RCAN1: variants seen among roughly 807,000 people sequenced by gnomAD.
RCAN1 encodes regulator of calcineurin 1, also known as calcipressin-1.
Under a neutral mutation model 22.9 loss-of-function variants are expected in RCAN1, and 11 were observed. The ratio of observed to expected loss-of-function variants is 0.48; its 90% CI spans 0.30 to 0.79. The LOEUF (loss-of-function observed/expected upper bound fraction) is 0.79. Ranked by LOEUF, RCAN1 falls within the 30% of genes least tolerant of loss-of-function variation. The probability of loss-of-function intolerance (pLI) is 0.06; values close to 1 mark genes in which losing one functional copy is unlikely to be tolerated. For missense variants in RCAN1, 291 were observed against 337.8 expected (o/e 0.86, Z 1.09); for synonymous variants, 136 against 142.3 (o/e 0.96, Z 0.32).
chr21:34,583,707 G>A (rs1030366399), intron 1 of RCAN1, among the ~76,000 whole-genome samples: 3 of 152,144 alleles, frequency 2.0e-5, no homozygotes, highest in East Asian at 1.9e-4. Flanking sequence ...AAGGTCTGTC[G>A]TTTAAGCCCC....
At position 34,572,232 on chromosome 21, in the gene RCAN1, A is replaced by G. The variant is rs551972189; in HGVS notation, c.252+42528T>C. On this transcript the variant is annotated intron_variant, in intron 1 of 3. Coordinates refer to ENST00000313806, the MANE Select transcript of RCAN1 (RefSeq NM_004414.7). ...TCCAGGAGATGGCTCCCTCTGCCCA[A>G]TGAGGACTAGGTTGTCCGAGGGCTG... Among the ~76,000 whole-genome samples, 8 of 152,298 alleles carry G rather than the reference A, an allele frequency of 5.3e-5. No individual in the cohort carries two copies. In the South Asian group the frequency reaches 1.0e-3, roughly 20 times the overall value.
chr21:34,594,608 C>G (rs1125041), intron 1 of RCAN1, among the ~76,000 whole-genome samples: 114,660 of 152,082 alleles, frequency 0.75, 43,422 homozygotes, highest in East Asian at 0.93. Flanking sequence ...ATTTAGGGGA[C>G]CCTCAGGCCC....
chr21:34,614,884 T>G lies in RCAN1; in HGVS notation c.128A>C (p.Asp43Ala). 2.8e-6 allele frequency: 4 copies of G among 1,448,490 alleles called. No homozygotes were observed. Among genetic ancestry groups the G allele is most frequent in the Non-Finnish European group, 2.7e-6 (3 of 1,096,070 alleles). The allele number at this position is 1,448,490 out of a possible 1,614,324, so 89.7% of individuals were successfully genotyped here. Residue 43 changes from aspartate to alanine, a missense_variant, in exon 1 of 4, where the codon GAC (aspartate) becomes GCC (alanine). Transcript: ENST00000313806. The surrounding 1 kb of genome is among the most constrained non-coding windows in gnomAD (Gnocchi z 6.0). The stretch of plus-strand genomic sequence containing the variant: ...GAAGCTCCAGTCGCCGCCGCCCTCG[T>G]CCGCCTCGGCCGCCCCCGAGAGGGG... ...FAPLSGAAEA[D>A]EGGGDWSFID...
At chr21:34,581,303 G>A (rs571000857) in intron 1 of RCAN1, among the ~76,000 whole-genome samples, 1 of 152,230 alleles carries the variant, frequency 6.6e-6, no homozygotes, top group East Asian at 1.9e-4. Flanking sequence ...TGTTTGTAGG[G>A]TCCAAACTGC....
intron 1 of RCAN1, among the ~76,000 whole-genome samples, chr21:34,530,630 T>TG (rs1555856721): frequency 2.1e-5 from 2 of 95,600 alleles, no homozygotes; most frequent in Non-Finnish European, 2.2e-5. Flanking sequence ...TTTTTTTTTT[T>TG]TTTTTTTTTT....
At chr21:34,558,389 C>A (rs555870638) in intron 1 of RCAN1, among the ~76,000 whole-genome samples, 39 of 152,216 alleles carry the variant, frequency 2.6e-4, no homozygotes, top group African/African-American at 7.7e-4. Flanking sequence ...AAGCTGACAC[C>A]CAACTCCACC....
chr21:34,531,874 C>T (rs1232960195), intron 1 of RCAN1, among the ~76,000 whole-genome samples: 5 of 152,136 alleles, frequency 3.3e-5, no homozygotes, highest in East Asian at 1.9e-4. Context: ...GCAGGCATGT[C>T]GTTCTCCAGG....
intron 1 of RCAN1, among the ~76,000 whole-genome samples, chr21:34,593,934 C>T (rs1172414878): frequency 6.6e-6 from 1 of 152,118 alleles, no homozygotes. Context: ...TTAGTTTCCA[C>T]TTGTTTTTTA....
intron 1 of RCAN1, among the ~76,000 whole-genome samples, chr21:34,592,728 C>T (rs909491633): frequency 6.6e-6 from 1 of 152,182 alleles, no homozygotes; most frequent in Non-Finnish European, 1.5e-5. Context: ...CTTGTGTTTT[C>T]CGATTCCAAG....
rs1984561026 is a variant in RCAN1 at position 34,521,619 on chromosome 21, G to T, written c.466C>A (p.Pro156Thr). 1 of 1,613,916 alleles carries T rather than the reference G, an allele frequency of 6.2e-7. No homozygotes were observed. The highest frequency in any genetic ancestry group is 1.1e-5 in the South Asian group (1 of 91,024). ...GGGGAGATCAGAAACTGCTTGTCTG[G>T]ATTTGGCGGAGCCAGGTGTGAGCTT... ...IGSSHLAPPN[P>T]DKQFLISPPA... The change falls in exon 3 of 4, where the codon CCA becomes ACA. Residue 156 changes from proline to threonine, a missense_variant. Pro to Thr is a conservative substitution (Grantham distance 38, BLOSUM62 -1). Transcript: ENST00000313806.
intron 1 of RCAN1, among the ~76,000 whole-genome samples, chr21:34,588,539 T>C (rs1017933810): frequency 1.3e-5 from 2 of 152,220 alleles, no homozygotes; most frequent in African/African-American, 2.4e-5. Flanking sequence ...TAACAAGAGT[T>C]GGCAAGGAGG....
intron 1 of RCAN1, chr21:34,526,652 A>T (rs374416375): frequency 4.8e-5 from 78 of 1,610,958 alleles, no homozygotes; most frequent in Non-Finnish European, 6.4e-5. Flanking sequence ...ACGTTATATT[A>T]GAAGCCTTAC....
intron 1 of RCAN1, among the ~76,000 whole-genome samples, chr21:34,532,068 C>T (rs986519601): frequency 6.6e-6 from 1 of 152,032 alleles, no homozygotes; most frequent in Non-Finnish European, 1.5e-5. Flanking sequence ...GGCCAAGAAG[C>T]AGTGTCAGGG....
chr21:34,593,381 C>T (rs543551759), intron 1 of RCAN1, among the ~76,000 whole-genome samples: 6 of 152,366 alleles, frequency 3.9e-5, no homozygotes, highest in African/African-American at 1.2e-4. Flanking sequence ...GCTCATCCTC[C>T]TCCAACCTTC....
At chr21:34,533,209 G>C (rs900248759) in intron 1 of RCAN1, among the ~76,000 whole-genome samples, 11 of 152,012 alleles carry the variant, frequency 7.2e-5, no homozygotes, top group African/African-American at 1.2e-4. Flanking sequence ...ATCTGCCTGC[G>C]TTGGCCTCCC....
chr21:34,612,996 T>C (rs1009664967), intron 1 of RCAN1, among the ~76,000 whole-genome samples: 2 of 152,238 alleles, frequency 1.3e-5, no homozygotes, highest in South Asian at 2.1e-4. Flanking sequence ...CTTTTTCCTA[T>C]TGTCTATCTC....
rs138177536 is a variant in RCAN1, at chr21:34,523,634, C to G, written c.329G>C (p.Arg110Thr). Reference protein sequence around the residue: ...FQYFKSFKRVRINFSNPFSAA... With the variant: ...FQYFKSFKRVTINFSNPFSAA... ...GGAGAAGGGGTTGCTGAAGTTTATT[C>G]TGACTCGTTTGAAGCTCTTAAAATA... Residue 110 changes from arginine to threonine, a missense_variant, in exon 2 of 4, where the codon AGA becomes ACA. Transcript: ENST00000313806. 1.2e-6 allele frequency: 2 copies of G among 1,614,040 alleles called. No homozygotes were observed. Among genetic ancestry groups the G allele is most frequent in the Non-Finnish European group, 1.7e-6 (2 of 1,180,046 alleles).
At chr21:34,520,335 G>A (rs1055046258) in intron 3 of RCAN1, among the ~76,000 whole-genome samples, 1 of 152,116 alleles carries the variant, frequency 6.6e-6, no homozygotes, top group East Asian at 1.9e-4. Context: ...CCTAACCTAG[G>A]GGAAGACTCC....
intron 1 of RCAN1, among the ~76,000 whole-genome samples, chr21:34,608,808 A>G (rs1988609247): frequency 6.6e-6 from 1 of 152,204 alleles, no homozygotes; most frequent in Admixed American, 6.5e-5. Flanking sequence ...ATAAAATGTG[A>G]GTACTATCAA....
Sources: allele counts gnomAD v4.1 joint callset (sites outside exome capture counted in the v4.1 genomes callset), GRCh38; gene constraint gnomAD v4.1.1; non-coding constraint Gnocchi (gnomAD v3.1); transcripts MANE v1.5; gene names NCBI Gene and HGNC (gene_info 2026-07-23, HGNC 2026-07-21).